Variants in PIWIL1 observed in about 807,000 individuals in gnomAD.
PIWIL1 encodes piwi like RNA-mediated gene silencing 1.
PIWIL1 carries 73 observed loss-of-function variants against 114.4 expected under a neutral mutation model. The observed-to-expected ratio is 0.64, with a 90% confidence interval of 0.53 to 0.78. The LOEUF (loss-of-function observed/expected upper bound fraction) is 0.78, where lower values mean the gene tolerates loss of function less well. Among genes scored for constraint, PIWIL1 ranks in the 30% least tolerant of loss-of-function variants. The pLI is 0.00. For synonymous variants in PIWIL1, 375 were observed against 369.0 expected, an observed-to-expected ratio of 1.02 and a Z score of -0.19; for missense variants, 723 against 1,063.1, an observed-to-expected ratio of 0.68 and a Z score of 4.45.
intron 3 of PIWIL1, chr12:130,345,218 A>C (rs1342954736): frequency 6.5e-6 from 1 of 152,838 alleles, no homozygotes; most frequent in Non-Finnish European, 1.5e-5. Flanking sequence ...TGGTCATAGA[A>C]TATGTGCAGG....
At chr12:130,369,274 C>T (rs994561328) in intron 19 of PIWIL1, among the ~76,000 whole-genome samples, 2 of 152,170 alleles carry the variant, frequency 1.3e-5, no homozygotes, top group African/African-American at 4.8e-5. Context: ...ATATATACCA[C>T]ATTTTCTTTA....
At chr12:130,360,464 C>T (rs554492402) in intron 14 of PIWIL1, among the ~76,000 whole-genome samples, 2 of 152,198 alleles carry the variant, frequency 1.3e-5, no homozygotes, top group East Asian at 3.9e-4. Context: ...GAAACCCCAT[C>T]TCTACTAAAA....
the PIWIL1 span, chr12:130,425,815 C>T: frequency 6.6e-6 from 1 of 152,296 alleles, no homozygotes; most frequent in African/African-American, 2.4e-5. Flanking sequence ...AGAGATGAGC[C>T]ACATGGGCAC....
At chr12:130,401,650 CTA>C in the PIWIL1 span, among the ~76,000 whole-genome samples, 1 of 151,932 alleles carries the variant, frequency 6.6e-6, no homozygotes. Flanking sequence ...ACATTACAGA[CTA>C]TTTCTAGGCC....
chr12:130,390,614 T>A, the PIWIL1 span, among the ~76,000 whole-genome samples: 9 of 152,138 alleles, frequency 5.9e-5, no homozygotes, highest in Non-Finnish European at 2.9e-5. Flanking sequence ...TGGGTACCAG[T>A]TATACTCTTT....
In PIWIL1 at chr12:130,362,758, C is replaced by G. The variant is rs1055322019; in HGVS notation, c.1971-8C>G. On this transcript the variant is annotated splice_polypyrimidine_tract_variant and splice_region_variant and intron_variant, in intron 16 of 20. Transcript: ENST00000245255. ...ATTCTTATTCTAGCTGTGTTTTTCT[C>G]TGAATAGCTGGTTCTCACGCTGCAT... The G allele has an allele frequency of 6.2e-7, 1 of 1,613,020 alleles. No homozygotes were observed. The highest frequency in any genetic ancestry group is 8.5e-7 in the Non-Finnish European group (1 of 1,179,298).
the PIWIL1 span, among the ~76,000 whole-genome samples, chr12:130,394,055 A>G: frequency 6.6e-6 from 1 of 152,220 alleles, no homozygotes; most frequent in Non-Finnish European, 1.5e-5. Flanking sequence ...GGCCCCTACC[A>G]TGCATGTGGG....
rs772560236 is a variant in PIWIL1, at chr12:130,346,424, G to A, written c.371G>A (p.Arg124His). 13 of 1,614,034 alleles carry A rather than the reference G, an allele frequency of 8.1e-6. No individual in the cohort carries two copies. Among genetic ancestry groups the A allele is most frequent in the East Asian group, 6.7e-5 (3 of 44,876 alleles). The change falls in exon 5 of 21, where the codon CGT becomes CAT. Residue 124 changes from arginine to histidine, a missense_variant. By Grantham distance (29) the Arg-to-His change is conservative. This residue lies in a region of PIWIL1 where 190 missense variants were observed against 294.4 expected (regional missense o/e 0.65). Transcript: ENST00000245255. ...ACTAACCATTTCCGGCTGACATCCC[G>A]TCCCCAGTGGGCCTTATATCAGTAT... is the stretch of plus-strand genomic sequence containing the variant. Reference protein sequence around the residue: ...LSTNHFRLTSRPQWALYQYHI... With the variant: ...LSTNHFRLTSHPQWALYQYHI...
chr12:130,349,808 G>T (rs781405408), intron 8 of PIWIL1, 48 bp from the exon 9 acceptor site: 1 of 1,054,538 alleles, frequency 9.5e-7, no homozygotes, highest in Non-Finnish European at 1.4e-6. Context: ...TTTAATATTA[G>T]TTCTTCACAT....
At chr12:130,395,824 G>A in the PIWIL1 span, among the ~76,000 whole-genome samples, 15 of 152,052 alleles carry the variant, frequency 9.9e-5, no homozygotes, top group South Asian at 2.1e-4. Flanking sequence ...TGCTGTAGCC[G>A]TTCATTAATT....
the PIWIL1 span, among the ~76,000 whole-genome samples, chr12:130,403,146 C>T: frequency 1.3e-5 from 2 of 152,106 alleles, no homozygotes; most frequent in African/African-American, 2.4e-5. Flanking sequence ...TTTAAGGTTA[C>T]AGATATCAAA....
At chr12:130,420,230 AAAC>A in the PIWIL1 span, among the ~76,000 whole-genome samples, 1 of 152,182 alleles carries the variant, frequency 6.6e-6, no homozygotes, top group Non-Finnish European at 1.5e-5. The surrounding 1 kb of genome is among the most constrained non-coding windows in gnomAD (Gnocchi z 4.3). Flanking sequence ...TTTCCTTTTG[AAAC>A]CATAATAGGT....
intron 14 of PIWIL1, among the ~76,000 whole-genome samples, chr12:130,358,622 C>T: frequency 6.6e-6 from 1 of 152,148 alleles, no homozygotes; most frequent in East Asian, 1.9e-4. Flanking sequence ...CTCAGCGAGT[C>T]TGAGTTAACT....
intron 1 of PIWIL1, among the ~76,000 whole-genome samples, chr12:130,339,207 G>A (rs1465699730): frequency 1.3e-5 from 2 of 152,100 alleles, no homozygotes; most frequent in Admixed American, 6.5e-5. Context: ...AGGCCCGGGG[G>A]TCCTCGCGGG....
chr12:130,419,793 C>A, the PIWIL1 span: 1 of 152,078 alleles, frequency 6.6e-6, no homozygotes, highest in Admixed American at 6.6e-5. This position sits in a 1 kb window ranked among gnomAD's most constrained non-coding sequence, Gnocchi z 4.3. Context: ...AAGCTACAGG[C>A]CTTCTGTCTG....
chr12:130,393,937 A>T, the PIWIL1 span, among the ~76,000 whole-genome samples: 1 of 152,160 alleles, frequency 6.6e-6, no homozygotes, highest in African/African-American at 2.4e-5. Context: ...ATTTTGCATT[A>T]TTAGTTTTTA....
intron 2 of PIWIL1, 126 bp downstream of exon 2, chr12:130,342,795 G>A: frequency 6.4e-6 from 5 of 780,022 alleles, no homozygotes. Context: ...ATCATGCCCT[G>A]TTTCCTCAGG....
At chr12:130,339,792 A>G (rs1192106239) in intron 1 of PIWIL1, 3 of 152,142 alleles carry the variant, frequency 2.0e-5, no homozygotes, top group Admixed American at 2.0e-4. Flanking sequence ...TCGGCTTCTA[A>G]CTCGGGAGGG....
downstream of PIWIL1, among the ~76,000 whole-genome samples, chr12:130,376,205 A>G (rs948255014): frequency 2.6e-5 from 4 of 152,180 alleles, no homozygotes; most frequent in Non-Finnish European, 4.4e-5. Flanking sequence ...TGGTCTCGGA[A>G]CTGCCTGACA....
Sources: allele counts gnomAD v4.1 joint callset (sites outside exome capture counted in the v4.1 genomes callset), GRCh38; gene constraint gnomAD v4.1.1; regional missense constraint gnomAD v4.1.1; non-coding constraint Gnocchi (gnomAD v3.1); transcripts MANE v1.5; gene names NCBI Gene and HGNC (gene_info 2026-07-23, HGNC 2026-07-21).